Variants in KCND2 observed in about 807,000 individuals in gnomAD.
The protein encoded by KCND2 is potassium voltage-gated channel subfamily D member 2.
Under a neutral mutation model 54.4 loss-of-function variants are expected in KCND2, and 16 were observed. The ratio of observed to expected loss-of-function variants is 0.29; its 90% CI spans 0.20 to 0.45. The LOEUF is 0.45. Among genes scored for constraint, KCND2 ranks in the 20% least tolerant of loss-of-function variants. KCND2 has a pLI of 1.00. For synonymous variants in KCND2, 317 were observed against 310.7 expected, an observed-to-expected ratio of 1.02 and a Z score of -0.21; for missense variants, 486 against 824.2, an observed-to-expected ratio of 0.59 and a Z score of 5.02.
intron 1 of KCND2, among the ~76,000 whole-genome samples, chr7:120,433,007 G>C (rs978386729): frequency 6.6e-6 from 1 of 152,102 alleles, no homozygotes. Flanking sequence ...TCCTGCTGCT[G>C]TCTCCCTCCT....
At chr7:120,411,892 A>G (rs1220831740) in intron 1 of KCND2, among the ~76,000 whole-genome samples, 2 of 151,960 alleles carry the variant, frequency 1.3e-5, no homozygotes, top group Non-Finnish European at 1.5e-5. Flanking sequence ...CAGTTTACCT[A>G]GATAGGACTT....
intron 1 of KCND2, among the ~76,000 whole-genome samples, chr7:120,284,473 A>ATGAGGT (rs1799311815): frequency 6.6e-6 from 1 of 152,160 alleles, no homozygotes; most frequent in Non-Finnish European, 1.5e-5. Flanking sequence ...ATTGTATCAA[A>ATGAGGT]TGAGGTGTTT....
At chr7:120,622,664 T>TACAC (rs138167439) in intron 1 of KCND2, among the ~76,000 whole-genome samples, 6,835 of 133,492 alleles carry the variant, frequency 0.051, 177 homozygotes, top group Non-Finnish European at 0.057. Flanking sequence ...TCCTTTTCCT[T>TACAC]ACACACACAC....
chr7:120,663,379 G>C (rs1012113282), intron 1 of KCND2, among the ~76,000 whole-genome samples: 53 of 152,136 alleles, frequency 3.5e-4, no homozygotes, highest in African/African-American at 1.3e-3. Context: ...TTAGTTTTTT[G>C]AAATAATGGG....
chr7:120,527,135 G>A (rs549001128), intron 1 of KCND2, among the ~76,000 whole-genome samples: 1 of 152,182 alleles, frequency 6.6e-6, no homozygotes, highest in Non-Finnish European at 1.5e-5. Flanking sequence ...TCGTTACACA[G>A]TATATAATAA....
intron 1 of KCND2, among the ~76,000 whole-genome samples, chr7:120,539,078 T>C (rs1436919975): frequency 1.5e-5 from 2 of 130,476 alleles, no homozygotes; most frequent in Admixed American, 1.4e-4. Context: ...ATATATGTTA[T>C]TATAAACACA....
chr7:120,416,968 C>T (rs899407608), intron 1 of KCND2, among the ~76,000 whole-genome samples: 2 of 152,176 alleles, frequency 1.3e-5, no homozygotes, highest in Non-Finnish European at 2.9e-5. Flanking sequence ...GCCTCAGCCT[C>T]CCAGGTAGCT....
intron 1 of KCND2, among the ~76,000 whole-genome samples, chr7:120,284,395 T>C (rs1008800532): frequency 1.3e-5 from 2 of 152,054 alleles, no homozygotes; most frequent in African/African-American, 4.8e-5. Context: ...TTAGTGCACT[T>C]TGGAAAAATG....
At chr7:120,499,635 TTGC>T (rs1441656439) in intron 1 of KCND2, among the ~76,000 whole-genome samples, 32 of 152,266 alleles carry the variant, frequency 2.1e-4, no homozygotes, top group African/African-American at 7.2e-4. Context: ...CCAATTCCCT[TTGC>T]TCCTGTCGTG....
chr7:120,670,915 CAAA>C (rs201567194), intron 1 of KCND2, among the ~76,000 whole-genome samples: 2 of 93,366 alleles, frequency 2.1e-5, no homozygotes, highest in Non-Finnish European at 4.6e-5. Flanking sequence ...GGCTCCGTCT[CAAA>C]AAAAAAAAAA....
intron 1 of KCND2, among the ~76,000 whole-genome samples, chr7:120,531,742 A>G (rs763813956): frequency 1.3e-5 from 2 of 152,072 alleles, no homozygotes; most frequent in African/African-American, 4.8e-5. Flanking sequence ...TATTCAACAC[A>G]GTTAATTACT....
intron 1 of KCND2, among the ~76,000 whole-genome samples, chr7:120,410,167 A>C (rs767751106): frequency 1.3e-5 from 2 of 151,906 alleles, no homozygotes; most frequent in Non-Finnish European, 2.9e-5. Context: ...TTAAGCATAC[A>C]TTTGCCATTT....
chr7:120,537,064 A>G (rs964172194), intron 1 of KCND2, among the ~76,000 whole-genome samples: 1 of 152,086 alleles, frequency 6.6e-6, no homozygotes, highest in Non-Finnish European at 1.5e-5. Flanking sequence ...CAGTGGAATC[A>G]CTCTCTATGT....
chr7:120,310,451 C>T (rs182205005), intron 1 of KCND2, among the ~76,000 whole-genome samples: 3 of 151,974 alleles, frequency 2.0e-5, no homozygotes, highest in African/African-American at 7.3e-5. Flanking sequence ...AGATAATTGG[C>T]ATCTGTCAAC....
At chr7:120,296,803 A>G (rs1799519415) in intron 1 of KCND2, among the ~76,000 whole-genome samples, 1 of 152,136 alleles carries the variant, frequency 6.6e-6, no homozygotes, top group African/African-American at 2.4e-5. Flanking sequence ...ATCTGTAATT[A>G]AGATATCAAT....
At chr7:120,575,694 T>A (rs10278264) in intron 1 of KCND2, among the ~76,000 whole-genome samples, 17,323 of 152,232 alleles carry the variant, frequency 0.11, 1,558 homozygotes, top group African/African-American at 0.26. Context: ...AACAGCTTAC[T>A]TAAGTAGCTT....
intron 1 of KCND2, among the ~76,000 whole-genome samples, chr7:120,344,589 G>A (rs754040254): frequency 3.5e-4 from 53 of 152,194 alleles, no homozygotes; most frequent in South Asian, 1.0e-3. Flanking sequence ...CACATTAATC[G>A]TACTAGATTA....
intron 1 of KCND2, among the ~76,000 whole-genome samples, chr7:120,578,916 T>TCTCACACACA (rs1554370790): frequency 4.1e-5 from 6 of 146,772 alleles, no homozygotes; most frequent in African/African-American, 7.6e-5. Flanking sequence ...AGACCCTGTC[T>TCTCACACACA]CACACACACA....
chr7:120,459,288 T>C (rs968817687), intron 1 of KCND2, among the ~76,000 whole-genome samples: 7 of 152,148 alleles, frequency 4.6e-5, no homozygotes, highest in African/African-American at 1.4e-4. Context: ...TTGGCTCTTA[T>C]TGTGTTCTTA....
Sources: allele counts gnomAD v4.1 joint callset (sites outside exome capture counted in the v4.1 genomes callset), GRCh38; gene constraint gnomAD v4.1.1; transcripts MANE v1.5; gene names NCBI Gene and HGNC (gene_info 2026-07-23, HGNC 2026-07-21).